The following GLB1 variants were observed in gnomAD, a reference collection of about 807,000 sequenced individuals.
GLB1 encodes the protein beta-galactosidase.
In GLB1, 56 loss-of-function variants were observed where a neutral mutation model predicts 74.0. The observed-to-expected ratio is 0.76, with a 90% confidence interval of 0.61 to 0.94. The LOEUF (loss-of-function observed/expected upper bound fraction) is 0.94. Ranked by LOEUF, GLB1 falls within the 40% of genes least tolerant of loss-of-function variation. GLB1 has a pLI of 0.00. For missense variants in GLB1, 787 were observed against 845.5 expected, an observed-to-expected ratio of 0.93 and a Z score of 0.86; for synonymous variants, 323 against 323.6, an observed-to-expected ratio of 1.00 and a Z score of 0.02.
chr3:33,048,639 G>A (rs1698843171), intron 9 of GLB1, among the ~76,000 whole-genome samples: 1 of 152,176 alleles, frequency 6.6e-6, no homozygotes, highest in Non-Finnish European at 1.5e-5. Flanking sequence ...CAGCTGCTAA[G>A]TACAGACTGG....
chr3:32,966,576 G>T, the GLB1 span, among the ~76,000 whole-genome samples: 1 of 152,174 alleles, frequency 6.6e-6, no homozygotes, highest in South Asian at 2.1e-4. Context: ...ATGATGGAAT[G>T]AGTTAAGACT....
the GLB1 span, among the ~76,000 whole-genome samples, chr3:32,973,997 T>A: frequency 6.6e-6 from 1 of 152,100 alleles, no homozygotes; most frequent in Non-Finnish European, 1.5e-5. Context: ...AGTCAGAGGC[T>A]AGGGCAAGGC....
chr3:33,064,212 G>A (rs1048616967), intron 5 of GLB1, among the ~76,000 whole-genome samples: 17 of 151,482 alleles, frequency 1.1e-4, no homozygotes, highest in Admixed American at 2.0e-4. Context: ...GCTGAGGTGG[G>A]TGAATCACCT....
chr3:32,998,512 CAAAA>C (rs35791447), intron 15 of GLB1, among the ~76,000 whole-genome samples: 1 of 84,458 alleles, frequency 1.2e-5, no homozygotes. Context: ...GACTCCGTCT[CAAAA>C]AAAAAAAAAA....
chr3:33,058,898 C>T (rs1300326929), intron 5 of GLB1, among the ~76,000 whole-genome samples: 4 of 152,250 alleles, frequency 2.6e-5, no homozygotes, highest in African/African-American at 9.6e-5. Context: ...CTGTCACACA[C>T]ACACCGGTGT....
chr3:33,047,617 A>G (rs1698794628), intron 9 of GLB1, among the ~76,000 whole-genome samples: 3 of 152,342 alleles, frequency 2.0e-5, no homozygotes, highest in Non-Finnish European at 4.4e-5. Flanking sequence ...TTGTACATCA[A>G]TGAGGCACAA....
At chr3:33,096,716 C>A (rs1701046040) in intron 1 of GLB1, 8 of 1,241,366 alleles carry the variant, frequency 6.4e-6, no homozygotes, top group Admixed American at 4.7e-5. Context: ...TGTTTACACG[C>A]ACCTCGTCTC....
chr3:33,056,055 C>G (rs147076558), intron 6 of GLB1, among the ~76,000 whole-genome samples: 1 of 151,188 alleles, frequency 6.6e-6, no homozygotes, highest in Non-Finnish European at 1.5e-5. Context: ...TGGTGAAACC[C>G]TGTCTCTACT....
At chr3:32,976,862 G>A in the GLB1 span, among the ~76,000 whole-genome samples, 1 of 152,124 alleles carries the variant, frequency 6.6e-6, no homozygotes, top group African/African-American at 2.4e-5. Context: ...AATGGATGGT[G>A]GTAGAATATC....
intron 4 of GLB1, among the ~76,000 whole-genome samples, chr3:33,067,222 C>T (rs1699721144): frequency 2.0e-5 from 3 of 152,006 alleles, no homozygotes; most frequent in Non-Finnish European, 4.4e-5. Flanking sequence ...AGGCTGGTCT[C>T]GAACTCCTGA....
At chr3:33,042,430 T>C (rs573295999) in intron 10 of GLB1, among the ~76,000 whole-genome samples, 29 of 136,664 alleles carry the variant, frequency 2.1e-4, no homozygotes, top group Non-Finnish European at 3.9e-4. Flanking sequence ...TGCAGTGGCG[T>C]GATCTCGGCT....
chr3:33,077,366 A>G (rs1248885092), intron 1 of GLB1: 11 of 1,366,086 alleles, frequency 8.1e-6, no homozygotes, highest in Non-Finnish European at 3.1e-6. Context: ...GGGATGGTCA[A>G]TGAGACAGAT....
chr3:33,026,410 G>C (rs1481519940), intron 10 of GLB1, among the ~76,000 whole-genome samples: 1 of 152,178 alleles, frequency 6.6e-6, no homozygotes, highest in Non-Finnish European at 1.5e-5. Context: ...GGGGTGCTGA[G>C]GGCAGCTCAG....
chr3:33,069,017 GAAGA>G (rs1559410175), intron 2 of GLB1, 47 bp from the exon 3 acceptor site: 3 of 1,614,028 alleles, frequency 1.9e-6, no homozygotes, highest in Admixed American at 1.7e-5. Flanking sequence ...GCAGAGTCAA[GAAGA>G]AAGAAGCGTG....
At chr3:33,008,674 T>C (rs1159723693) in intron 15 of GLB1, among the ~76,000 whole-genome samples, 1 of 152,042 alleles carries the variant, frequency 6.6e-6, no homozygotes, top group Non-Finnish European at 1.5e-5. Flanking sequence ...GTAGCCACGA[T>C]GAATGCGCTG....
chr3:33,044,748 T>TA (rs1373519991), intron 10 of GLB1, among the ~76,000 whole-genome samples: 2 of 152,114 alleles, frequency 1.3e-5, no homozygotes, highest in Non-Finnish European at 1.5e-5. Context: ...ACATCATACT[T>TA]AAAACAAAAA....
chr3:33,079,598 T>C (rs1335657425), intron 1 of GLB1, among the ~76,000 whole-genome samples: 1 of 152,190 alleles, frequency 6.6e-6, no homozygotes, highest in Non-Finnish European at 1.5e-5. Flanking sequence ...ACTGATAAAA[T>C]GAATTATGGT....
At chr3:33,050,244 C>T (rs1162934353) in intron 9 of GLB1, among the ~76,000 whole-genome samples, 1 of 152,182 alleles carries the variant, frequency 6.6e-6, no homozygotes, top group Non-Finnish European at 1.5e-5. Flanking sequence ...ATGGCAGTTC[C>T]TGAAACTCTA....
At chr3:33,050,264 T>C (rs1350151638) in intron 9 of GLB1, among the ~76,000 whole-genome samples, 2 of 152,142 alleles carry the variant, frequency 1.3e-5, no homozygotes, top group Admixed American at 1.3e-4. Context: ...AAACATAGAG[T>C]TACCATATGA....
Sources: allele counts gnomAD v4.1 joint callset (sites outside exome capture counted in the v4.1 genomes callset), GRCh38; gene constraint gnomAD v4.1.1; transcripts MANE v1.5; gene names NCBI Gene and HGNC (gene_info 2026-07-23, HGNC 2026-07-21).